Variants in SYNPR observed in about 807,000 individuals in gnomAD.
The protein encoded by SYNPR is synaptoporin.
A neutral mutation model predicts 32.9 loss-of-function variants in SYNPR; 23 were observed. The observed-to-expected ratio is 0.70, with a 90% CI of 0.50 to 0.99. The LOEUF (loss-of-function observed/expected upper bound fraction) is 0.99. Among genes scored for constraint, SYNPR ranks in the 50% least tolerant of loss-of-function variants. The pLI is 0.00. For synonymous variants in SYNPR, 146 were observed against 135.9 expected (o/e 1.07, Z -0.52); for missense variants, 318 against 349.3 (o/e 0.91, Z 0.71).
intron 3 of SYNPR, among the ~76,000 whole-genome samples, chr3:63,551,319 A>G (rs1038864306): frequency 8.5e-5 from 13 of 152,220 alleles, no homozygotes; most frequent in Admixed American, 6.5e-5. Flanking sequence ...TTCGTCAGTT[A>G]ATAGACATTG....
At chr3:63,518,886 T>A (rs1301272066) in intron 3 of SYNPR, among the ~76,000 whole-genome samples, 1 of 152,208 alleles carries the variant, frequency 6.6e-6, no homozygotes, top group Non-Finnish European at 1.5e-5. Context: ...CATATGTTCA[T>A]CACAGCACTA....
chr3:63,317,979 T>C (rs1385242964), intron 2 of SYNPR, among the ~76,000 whole-genome samples: 1 of 152,078 alleles, frequency 6.6e-6, no homozygotes, highest in Non-Finnish European at 1.5e-5. Context: ...CATTTGTTTG[T>C]CTGAAAATGA....
intron 2 of SYNPR, among the ~76,000 whole-genome samples, chr3:63,451,837 C>G (rs992611449): frequency 6.6e-6 from 1 of 152,148 alleles, no homozygotes; most frequent in Non-Finnish European, 1.5e-5. Flanking sequence ...TACCTCAAAG[C>G]ATCTCCTAAT....
At chr3:63,374,828 T>G (rs994595529) in intron 2 of SYNPR, among the ~76,000 whole-genome samples, 11 of 152,208 alleles carry the variant, frequency 7.2e-5, no homozygotes, top group African/African-American at 2.7e-4. Context: ...CAGCACCATT[T>G]ATTAAATAGG....
At chr3:63,306,081 G>C (rs62253863) in intron 2 of SYNPR, among the ~76,000 whole-genome samples, 1 of 151,722 alleles carries the variant, frequency 6.6e-6, no homozygotes, top group East Asian at 1.9e-4. Flanking sequence ...CCATTAACCC[G>C]AGAGCCTTTG....
chr3:63,367,159 A>C (rs2087736606), intron 2 of SYNPR, among the ~76,000 whole-genome samples: 1 of 152,178 alleles, frequency 6.6e-6, no homozygotes, highest in Admixed American at 6.5e-5. Context: ...GAGATTGTTG[A>C]GATATTATCC....
the SYNPR span, among the ~76,000 whole-genome samples, chr3:63,222,626 C>T: frequency 1.3e-5 from 2 of 152,088 alleles, no homozygotes; most frequent in Non-Finnish European, 2.9e-5. Flanking sequence ...AAATGATTCT[C>T]CTGCCTCAGC....
chr3:63,460,710 G>A (rs1700569110), intron 2 of SYNPR, among the ~76,000 whole-genome samples: 1 of 152,056 alleles, frequency 6.6e-6, no homozygotes. Context: ...TGAATGCCAT[G>A]CTAAGGAACT....
rs3083163 is a variant in SYNPR at position 63,430,361 on chromosome 3, TACACAC to T, written c.85-50441_85-50436del. 2.6e-3 allele frequency among the ~76,000 whole-genome samples: 380 copies of T among 148,386 alleles called. 1 individual carries two copies. The highest frequency in any genetic ancestry group is 7.9e-3 in the African/African-American group (317 of 40,380). On this transcript the variant is annotated intron_variant, in intron 2 of 5. Coordinates refer to ENST00000478300, the MANE Select transcript of SYNPR (RefSeq NM_001130003.2). ...CATTCATTCACTCCTACACTGAGAA[TACACAC>T]ACACACACACACACACACACACACA...
chr3:63,272,748 T>C (rs986719833), intron 3 of SYNPR, among the ~76,000 whole-genome samples: 2 of 152,144 alleles, frequency 1.3e-5, no homozygotes, highest in Non-Finnish European at 2.9e-5. Context: ...GCTTTGTTTC[T>C]TCCCTGCTAT....
At chr3:63,351,435 C>T (rs2087508964) in intron 2 of SYNPR, 1 of 152,140 alleles carries the variant, frequency 6.6e-6, no homozygotes, top group Non-Finnish European at 1.5e-5. Context: ...TTCCCGTTTC[C>T]AAGAAGCAAA....
At chr3:63,448,149 A>G (rs1479178417) in intron 2 of SYNPR, among the ~76,000 whole-genome samples, 1 of 152,124 alleles carries the variant, frequency 6.6e-6, no homozygotes, top group African/African-American at 2.4e-5. Context: ...GACTACAGGC[A>G]TGTGCCACCA....
intron 2 of SYNPR, among the ~76,000 whole-genome samples, chr3:63,352,690 A>T (rs967485395): frequency 6.6e-6 from 1 of 152,176 alleles, no homozygotes; most frequent in Non-Finnish European, 1.5e-5. Context: ...AGACTGGGTA[A>T]TCTATAAAGG....
At chr3:63,408,065 G>T (rs1158132958) in intron 2 of SYNPR, among the ~76,000 whole-genome samples, 2 of 150,798 alleles carry the variant, frequency 1.3e-5, no homozygotes, top group Non-Finnish European at 2.9e-5. Flanking sequence ...GTGGAAATCT[G>T]CAGGCTTTGC....
intron 4 of SYNPR, among the ~76,000 whole-genome samples, chr3:63,604,294 A>G (rs1223450276): frequency 6.6e-6 from 1 of 152,196 alleles, no homozygotes; most frequent in Non-Finnish European, 1.5e-5. Flanking sequence ...TCAAAAAACC[A>G]ACTTTAAGAT....
Position 63,509,072 on chromosome 3 carries a change from T to C in SYNPR, c.209+28116T>C, listed in dbSNP as rs550479710. ...AAGTCCCAGTTCTTCCAAGATCAGCTGTATTTCCTTAATACTCATGTACCT... is the reference window on the plus strand; with the variant it reads ...AAGTCCCAGTTCTTCCAAGATCAGCCGTATTTCCTTAATACTCATGTACCT... On this transcript the variant is annotated intron_variant, in intron 3 of 5. Coordinates refer to ENST00000478300, the MANE Select transcript of SYNPR (RefSeq NM_001130003.2). Among the ~76,000 whole-genome samples the C allele has an allele frequency of 2.0e-5, 3 of 152,014 alleles. No individual in the cohort carries two copies. The East Asian group carries it at 5.8e-4, about 29-fold the overall frequency.
intron 2 of SYNPR, among the ~76,000 whole-genome samples, chr3:63,435,374 T>C (rs1350521778): frequency 2.0e-5 from 3 of 152,192 alleles, no homozygotes; most frequent in Admixed American, 6.5e-5. Flanking sequence ...GAAACAAATA[T>C]TAGCACCATT....
intron 4 of SYNPR, among the ~76,000 whole-genome samples, chr3:63,606,413 C>CTTTTTTTTTTTTTTTTT (rs1454337046): frequency 4.7e-5 from 3 of 63,436 alleles, no homozygotes; most frequent in African/African-American, 9.7e-5. Flanking sequence ...ACCTCAAATC[C>CTTTTTTTTTTTTTTTTT]TTTCTTTTTT....
intron 2 of SYNPR, among the ~76,000 whole-genome samples, chr3:63,394,115 T>C (rs1245633978): frequency 6.6e-6 from 1 of 152,174 alleles, no homozygotes; most frequent in Non-Finnish European, 1.5e-5. Flanking sequence ...AGCACTAATA[T>C]ATAGTAGGTA....
Sources: gnomAD v4.1 joint callset for allele counts (sites outside exome capture counted in the v4.1 genomes callset) on GRCh38, gnomAD v4.1.1 for gene constraint, MANE v1.5 for transcripts, NCBI Gene and HGNC (gene_info 2026-07-23, HGNC 2026-07-21) for gene names.